APBB2: variants seen among roughly 807,000 people sequenced by gnomAD.
The protein encoded by APBB2 is amyloid beta precursor protein binding family B member 2.
A neutral mutation model predicts 82.5 loss-of-function variants in APBB2; 38 were observed. That is an observed-to-expected ratio of 0.46 (90% CI 0.36 to 0.60). The LOEUF (loss-of-function observed/expected upper bound fraction) is 0.60, where lower values mean the gene tolerates loss of function less well. APBB2 is among the 20% of genes least tolerant of loss of function. APBB2 has a pLI of 0.00. For synonymous variants in APBB2, 341 were observed against 368.2 expected (o/e 0.93, Z 0.85); for missense variants, 772 against 972.3 (o/e 0.79, Z 2.74).
intron 6 of APBB2, among the ~76,000 whole-genome samples, chr4:40,983,285 C>T (rs1799597212): frequency 6.6e-6 from 1 of 152,186 alleles, no homozygotes; most frequent in South Asian, 2.1e-4. Flanking sequence ...TATTCATTCT[C>T]CCTTCAGAAC....
At chr4:40,986,363 A>G (rs1800423569) in intron 6 of APBB2, among the ~76,000 whole-genome samples, 1 of 152,250 alleles carries the variant, frequency 6.6e-6, no homozygotes, top group South Asian at 2.1e-4. Context: ...GTAGTTTTCT[A>G]TCCTTCTTCA....
chr4:40,942,647 T>TG (rs904937357), intron 7 of APBB2, among the ~76,000 whole-genome samples: 1 of 150,926 alleles, frequency 6.6e-6, no homozygotes, highest in African/African-American at 2.4e-5. Context: ...GCGGGGCTGT[T>TG]GGGGGGGAAC....
intron 12 of APBB2, among the ~76,000 whole-genome samples, chr4:40,861,007 T>C (rs1187678915): frequency 6.6e-6 from 1 of 152,174 alleles, no homozygotes; most frequent in East Asian, 1.9e-4. Flanking sequence ...TAATAAAATG[T>C]ATTTCTGACC....
At chr4:41,212,754 C>T (rs1273845668) in intron 1 of APBB2, among the ~76,000 whole-genome samples, 1 of 152,138 alleles carries the variant, frequency 6.6e-6, no homozygotes, top group Non-Finnish European at 1.5e-5. Flanking sequence ...TACCCCACCA[C>T]CTTCCGCCCT....
At chr4:41,065,731 C>T (rs1579711554) in intron 3 of APBB2, 58 bp from the exon 4 acceptor site, 1 of 84,786 alleles carries the variant, frequency 1.2e-5, no homozygotes, top group East Asian at 3.8e-4. Flanking sequence ...AGGATAATGA[C>T]AGCTTTTTTT....
intron 3 of APBB2, among the ~76,000 whole-genome samples, chr4:41,066,093 A>AT (rs1188135777): frequency 7.4e-5 from 8 of 108,620 alleles, no homozygotes; most frequent in South Asian, 2.6e-4. Flanking sequence ...AAATGAGGAA[A>AT]TTTTTTTTTC....
intron 2 of APBB2, among the ~76,000 whole-genome samples, chr4:41,134,471 C>A (rs555015444): frequency 1.4e-4 from 21 of 152,160 alleles, no homozygotes; most frequent in Admixed American, 2.0e-4. Flanking sequence ...GTAGTCCCAG[C>A]CCCCAGCCCC....
chr4:40,821,934 G>A lies in APBB2; in HGVS notation c.2049C>T (p.Cys683=), dbSNP rs778306463. ...IMDTGNQRFE[C]HVFWCEPNAG... is the part of the protein sequence containing the mutation. ...CATTAGGCTCGCACCAGAAAACGTG[G>A]CACTCAAAGCGCTGGTTCCCCGTGT... Residue 683 remains cysteine (C), a synonymous_variant, in exon 17 of 18, where the codon TGC becomes TGT. Coordinates refer to ENST00000508593, the MANE Select transcript of APBB2 (RefSeq NM_004307.2). 3 of 1,614,006 alleles carry A rather than the reference G, an allele frequency of 1.9e-6. No individual in the cohort carries two copies. Among genetic ancestry groups the A allele is most frequent in the East Asian group, 2.2e-5 (1 of 44,900 alleles).
intron 4 of APBB2, among the ~76,000 whole-genome samples, chr4:41,035,115 T>C (rs1299935070): frequency 1.3e-5 from 2 of 152,238 alleles, no homozygotes; most frequent in East Asian, 1.9e-4. Flanking sequence ...CACATTTCTA[T>C]ATGCGTAATG....
chr4:41,162,877 T>C (rs1765543051), intron 1 of APBB2, among the ~76,000 whole-genome samples: 1 of 152,308 alleles, frequency 6.6e-6, no homozygotes, highest in East Asian at 1.9e-4. Context: ...ATAAATTTTA[T>C]TTAATTGTTG....
At chr4:40,927,433 G>A (rs1018569272) in intron 10 of APBB2, among the ~76,000 whole-genome samples, 2 of 152,038 alleles carry the variant, frequency 1.3e-5, no homozygotes, top group African/African-American at 4.8e-5. Context: ...CATTAGATGG[G>A]CTCTAATGTT....
intron 1 of APBB2, among the ~76,000 whole-genome samples, chr4:41,151,387 C>G (rs1010401797): frequency 6.6e-6 from 1 of 152,174 alleles, no homozygotes; most frequent in African/African-American, 2.4e-5. Flanking sequence ...TGAAATGCAG[C>G]TAACTAGCAT....
chr4:40,951,848 T>C (rs1790268064), intron 6 of APBB2, among the ~76,000 whole-genome samples: 1 of 152,092 alleles, frequency 6.6e-6, no homozygotes, highest in Non-Finnish European at 1.5e-5. Flanking sequence ...AGAACATGTT[T>C]TCATAGGTCC....
intron 15 of APBB2, 32 bp downstream of exon 15, chr4:40,825,855 C>T (rs1168279329): frequency 6.3e-7 from 1 of 1,596,240 alleles, no homozygotes; most frequent in East Asian, 2.2e-5. Flanking sequence ...CGCACACTTG[C>T]AAAGTGGAAA....
chr4:41,095,673 T>C (rs537796492), intron 3 of APBB2, among the ~76,000 whole-genome samples: 1 of 152,336 alleles, frequency 6.6e-6, no homozygotes, highest in African/African-American at 2.4e-5. Context: ...ATGACAAGTG[T>C]GCTGGGTGGT....
intron 4 of APBB2, among the ~76,000 whole-genome samples, chr4:41,047,439 A>G (rs1322569291): frequency 6.6e-6 from 1 of 152,282 alleles, no homozygotes; most frequent in African/African-American, 2.4e-5. Context: ...TATGGGGCCT[A>G]ACCAAAGCCC....
In APBB2 at chr4:41,021,163, CAACT is replaced by C. The variant is rs527981512; in HGVS notation, c.20-6769_20-6766del. On this transcript the variant is annotated intron_variant, in intron 5 of 17. Coordinates refer to ENST00000508593, the MANE Select transcript of APBB2 (RefSeq NM_004307.2). ...TTACAAATGGAACCCCAAATGAGCT[CAACT>C]AACAACTTCTACCGAGGACCCCTGA... Among the ~76,000 whole-genome samples, 1,004 of 152,258 alleles carry C rather than the reference CAACT, an allele frequency of 6.6e-3. 16 individuals carry two copies. The highest frequency in any genetic ancestry group is 0.022 in the African/African-American group (894 of 41,538).
chr4:41,210,696 A>T (rs147513504), intron 1 of APBB2, among the ~76,000 whole-genome samples: 24 of 152,366 alleles, frequency 1.6e-4, no homozygotes, highest in Non-Finnish European at 3.2e-4. Flanking sequence ...AAAACATTCA[A>T]ATCATTCTGA....
chr4:40,844,617 C>G (rs1438186791), intron 12 of APBB2, among the ~76,000 whole-genome samples: 1 of 152,160 alleles, frequency 6.6e-6, no homozygotes, highest in Admixed American at 6.5e-5. Context: ...GGCTCAGGTC[C>G]CTCTGTGCTA....
Sources: allele counts gnomAD v4.1 joint callset (sites outside exome capture counted in the v4.1 genomes callset), GRCh38; gene constraint gnomAD v4.1.1; transcripts MANE v1.5; gene names NCBI Gene and HGNC (gene_info 2026-07-23, HGNC 2026-07-21).